Variants in TNK2 observed in about 807,000 individuals in gnomAD.
TNK2 encodes the protein activated CDC42 kinase 1.
TNK2 carries 83 observed loss-of-function variants against 101.8 expected under a neutral mutation model. The observed-to-expected ratio is 0.82, with a 90% CI of 0.68 to 0.98. The LOEUF (loss-of-function observed/expected upper bound fraction) is 0.98. Among genes scored for constraint, TNK2 ranks in the 50% least tolerant of loss-of-function variants. The probability of loss-of-function intolerance (pLI) is 0.00; values close to 1 mark genes in which losing one functional copy is unlikely to be tolerated. For synonymous variants in TNK2, 804 were observed against 633.0 expected (o/e 1.27, Z -4.06); for missense variants, 1,665 against 1,483.2 (o/e 1.12, Z -2.01).
Position 195,878,681 on chromosome 3 carries a change from G to A in TNK2, c.1015-89C>T. On this transcript the variant is annotated intron_variant, in intron 7 of 15. Coordinates refer to ENST00000672887, the MANE Select transcript of TNK2 (RefSeq NM_001382273.1). The surrounding 1 kb of genome is among the most constrained non-coding windows in gnomAD (Gnocchi z 4.7). ...TCCCTCCAGCCCATCCACAGCTGCA[G>A]CGGCTGCTGCCATGCCTGGCCTCCA... 2.6e-6 allele frequency: 4 copies of A among 1,518,416 alleles called. No homozygotes were observed. The highest frequency in any genetic ancestry group is 3.5e-6 in the Non-Finnish European group (4 of 1,131,096). 94.1% of individuals were successfully genotyped at this position (1,518,416 alleles called of 1,614,324 possible). A position where few individuals can be genotyped will look rare whatever the true frequency, so the allele number is the denominator to read the frequency against.
Position 195,868,207 on chromosome 3 carries a change from G to A in TNK2, c.2091C>T (p.Pro697=). The part of the protein sequence containing the change: ...FVPEQARPPP[P]LEDNLFLPPQ... The stretch of plus-strand genomic sequence containing the variant: ...GCGGGAGGAACAGGTTGTCCTCCAG[G>A]GGAGGGGGCGGCCGCGCCTGCTCAG... Residue 697 remains proline (P), a synonymous_variant, in exon 13 of 16, where the codon CCC becomes CCT. Coordinates refer to ENST00000672887, the MANE Select transcript of TNK2 (RefSeq NM_001382273.1). 4 of 1,607,890 alleles carry A rather than the reference G, an allele frequency of 2.5e-6. No individual in the cohort carries two copies. Among genetic ancestry groups the A allele is most frequent in the Non-Finnish European group, 2.5e-6 (3 of 1,178,918 alleles).
At chr3:195,869,950 C>T in intron 11 of TNK2, 164 bp downstream of exon 11, 1 of 607,230 alleles carries the variant, frequency 1.6e-6, no homozygotes. Context: ...TGCCTGTCTT[C>T]CACCCCACGC....
chr3:195,871,521 G>GGGGTCACA (rs968744373), intron 10 of TNK2, among the ~76,000 whole-genome samples: 10 of 152,114 alleles, frequency 6.6e-5, no homozygotes, highest in African/African-American at 2.2e-4. Context: ...CTCGTGTGCA[G>GGGGTCACA]GGGTCACAGG....
chr3:195,904,754 T>G (rs1251078179), intron 1 of TNK2, among the ~76,000 whole-genome samples: 1 of 152,152 alleles, frequency 6.6e-6, no homozygotes, highest in Non-Finnish European at 1.5e-5. Flanking sequence ...TCATTTACAA[T>G]AGCATAAAAA....
At chr3:195,873,884 C>T (rs982400197) in intron 9 of TNK2, among the ~76,000 whole-genome samples, 6 of 152,196 alleles carry the variant, frequency 3.9e-5, no homozygotes, top group African/African-American at 1.4e-4. Flanking sequence ...TCCTCATACA[C>T]AGGGCCACTG....
intron 9 of TNK2, among the ~76,000 whole-genome samples, chr3:195,875,821 C>T (rs1001608052): frequency 2.0e-5 from 3 of 152,170 alleles, no homozygotes; most frequent in Non-Finnish European, 4.4e-5. Context: ...GCCCCCGGGC[C>T]TCTGGTCAAC....
intron 5 of TNK2, 68 bp downstream of exon 5, chr3:195,883,089 G>A: frequency 1.3e-6 from 2 of 1,567,764 alleles, no homozygotes; most frequent in Non-Finnish European, 1.7e-6. Flanking sequence ...GATGGAGAGA[G>A]GAACCGAACC....
At chr3:195,865,900 T>A (rs1317005674) in intron 15 of TNK2, among the ~76,000 whole-genome samples, 1 of 152,208 alleles carries the variant, frequency 6.6e-6, no homozygotes, top group Admixed American at 6.5e-5. Context: ...CACTATTATC[T>A]ACACGCTTTA....
At chr3:195,868,933 G>A (rs987313477) in intron 12 of TNK2, 28 of 565,512 alleles carry the variant, frequency 5.0e-5, no homozygotes, top group Admixed American at 1.8e-4. Flanking sequence ...CATGTGGGCC[G>A]GTGAGCCCCG....
Position 195,878,378 on chromosome 3 carries a change from T to G in TNK2, c.1162-31A>C. 6.2e-7 allele frequency: 1 copy of G among 1,613,968 alleles called. No individual in the cohort carries two copies. Among genetic ancestry groups the G allele is most frequent in the Non-Finnish European group, 8.5e-7 (1 of 1,179,946 alleles). On this transcript the variant is annotated intron_variant, in intron 8 of 15. Coordinates refer to ENST00000672887, the MANE Select transcript of TNK2 (RefSeq NM_001382273.1). The surrounding 1 kb of genome is among the most constrained non-coding windows in gnomAD (Gnocchi z 4.7). Reference sequence around the variant, plus strand: ...GGAAGAGGAAGGTCGTGGCCAACTCTGGGACTGACGCCTGGGTAGCCCCTC... The same window carrying G: ...GGAAGAGGAAGGTCGTGGCCAACTCGGGGACTGACGCCTGGGTAGCCCCTC...
chr3:195,887,003 A>ACAAG lies in TNK2; in HGVS notation c.204_207dup (p.Cys70LeufsTer10). ...TTACTCATCCACGACTTGCGTTTGC[A>ACAAG]CAAGGCCTTCCTCCTCTTCACAGCC... On this transcript the variant is annotated frameshift_variant, in exon 3 of 16. Coordinates refer to ENST00000672887, the MANE Select transcript of TNK2 (RefSeq NM_001382273.1). LOFTEE classifies it high-confidence loss of function. 6.2e-7 allele frequency: 1 copy of ACAAG among 1,613,876 alleles called. No homozygotes were observed. The highest frequency in any genetic ancestry group is 1.1e-5 in the South Asian group (1 of 91,070).
chr3:195,893,281 G>A (rs991760387), intron 1 of TNK2, among the ~76,000 whole-genome samples: 12 of 151,850 alleles, frequency 7.9e-5, no homozygotes, highest in East Asian at 5.9e-4. Flanking sequence ...ATAGGCGGCC[G>A]GCAGCCTGCC....
intron 15 of TNK2, among the ~76,000 whole-genome samples, chr3:195,865,643 ATGAC>A (rs1740273086): frequency 8.7e-6 from 1 of 115,168 alleles, no homozygotes; most frequent in Non-Finnish European, 1.8e-5. Flanking sequence ...ACCCGAGACA[ATGAC>A]AGACAGGTGA....
chr3:195,881,587 C>CA (rs1265450617), intron 6 of TNK2, among the ~76,000 whole-genome samples: 2 of 81,774 alleles, frequency 2.4e-5, no homozygotes, highest in Non-Finnish European at 4.5e-5. Flanking sequence ...CCTGTAACAC[C>CA]CCCCCAGCGA....
At chr3:195,870,356 G>A (rs750834535) in intron 10 of TNK2, 151 bp from the exon 11 acceptor site, 57 of 1,499,058 alleles carry the variant, frequency 3.8e-5, no homozygotes, top group East Asian at 2.2e-4. Flanking sequence ...GAACCTGACC[G>A]CACGTCTCAG....
chr3:195,892,599 T>C, intron 1 of TNK2: 1 of 1,455,922 alleles, frequency 6.9e-7, no homozygotes. Context: ...GGGTGGGAAA[T>C]GAGGAAGAAC....
chr3:195,894,898 T>C (rs971250442), intron 1 of TNK2, among the ~76,000 whole-genome samples: 1 of 152,256 alleles, frequency 6.6e-6, no homozygotes, highest in African/African-American at 2.4e-5. Flanking sequence ...TTGATATTCA[T>C]ATTCAGAAGC....
intron 9 of TNK2, chr3:195,876,395 G>GA (rs1318216890): frequency 2.6e-5 from 12 of 456,504 alleles, no homozygotes; most frequent in African/African-American, 1.6e-4. Context: ...GGCTAGGAGG[G>GA]AACTCCAAAC....
rs747290169 is a variant in TNK2, at chr3:195,888,431, C to T, written c.158G>A (p.Arg53Gln). The change falls in exon 2 of 16, where the codon CGG becomes CAG. Residue 53 changes from arginine to glutamine, a missense_variant. Arg to Gln is a conservative substitution (Grantham distance 43, BLOSUM62 1). Around this residue, in one of 3 missense-constraint regions of TNK2, gnomAD observed 490 missense variants for 522.5 expected, o/e 0.94. Transcript: ENST00000672887. The surrounding 1 kb of genome is among the most constrained non-coding windows in gnomAD (Gnocchi z 5.3). ...CAGGCCAACATCCCACCTACCAGGC[C>T]GACCCATGCCGATCTTCTCCAGGTC... ...NEDLEKIGMG[R>Q]PGQRRLWEAV... 6.2e-6 allele frequency: 10 copies of T among 1,613,008 alleles called. No homozygotes were observed. The highest frequency in any genetic ancestry group is 4.0e-5 in the African/African-American group (3 of 74,854).
Sources: gnomAD v4.1 joint callset for allele counts (sites outside exome capture counted in the v4.1 genomes callset) on GRCh38, gnomAD v4.1.1 for gene constraint, gnomAD v4.1.1 regional missense constraint, Gnocchi (gnomAD v3.1) non-coding constraint, MANE v1.5 for transcripts, NCBI Gene and HGNC (gene_info 2026-07-23, HGNC 2026-07-21) for gene names.